The following ST8SIA2 variants were observed in gnomAD, a reference collection of about 807,000 sequenced individuals.
ST8SIA2 encodes ST8 alpha-N-acetyl-neuraminide alpha-2,8-sialyltransferase 2.
ST8SIA2 carries 22 observed loss-of-function variants against 37.6 expected under a neutral mutation model. The observed-to-expected ratio is 0.58, with a 90% CI of 0.42 to 0.83. The LOEUF is 0.83. Ranked by LOEUF, ST8SIA2 falls within the 40% of genes least tolerant of loss-of-function variation. The pLI is 0.00. For synonymous variants in ST8SIA2, 205 were observed against 201.2 expected (o/e 1.02, Z -0.16); for missense variants, 382 against 484.7 (o/e 0.79, Z 1.99).
chr15:92,428,361 C>T (rs577060894), intron 1 of ST8SIA2, among the ~76,000 whole-genome samples: 1 of 152,146 alleles, frequency 6.6e-6, no homozygotes, highest in Admixed American at 6.5e-5. Context: ...TAAGGTGACA[C>T]TCAACTGTTT....
At chr15:92,408,033 A>T (rs1351603600) in intron 1 of ST8SIA2, among the ~76,000 whole-genome samples, 1 of 152,168 alleles carries the variant, frequency 6.6e-6, no homozygotes, top group Non-Finnish European at 1.5e-5. Flanking sequence ...CAGCAAACTC[A>T]TGACTACTCC....
At position 92,429,973 on chromosome 15, in the gene ST8SIA2, G is replaced by A. The variant is rs985019373; in HGVS notation, c.99-76G>A. 1.8e-5 allele frequency: 27 copies of A among 1,508,372 alleles called. No homozygotes were observed. The African/African-American group carries it at 3.3e-4, about 18-fold the overall frequency. The allele number at this position is 1,508,372 out of a possible 1,614,324, so 93.4% of individuals were successfully genotyped here. A position where few individuals can be genotyped will look rare whatever the true frequency, so the allele number is the denominator to read the frequency against. On this transcript the variant is annotated intron_variant, in intron 1 of 5. Coordinates refer to ENST00000268164, the MANE Select transcript of ST8SIA2 (RefSeq NM_006011.4). ...TCTGTAGTTTTCCAGGTGGGCTATG[G>A]GATCTCCTGGCAATTGAAGAGGGCT...
intron 4 of ST8SIA2, among the ~76,000 whole-genome samples, chr15:92,441,888 G>T (rs1287472559): frequency 6.6e-6 from 1 of 152,194 alleles, no homozygotes; most frequent in Non-Finnish European, 1.5e-5. Flanking sequence ...CAGTGGACCA[G>T]GTAGTTGGCC....
At chr15:92,429,187 C>T (rs558708160) in intron 1 of ST8SIA2, among the ~76,000 whole-genome samples, 60 of 152,348 alleles carry the variant, frequency 3.9e-4, no homozygotes, top group South Asian at 1.2e-3. Context: ...CCCAGTACCT[C>T]CCCACACCGC....
chr15:92,410,280 G>A (rs974693184), intron 1 of ST8SIA2, among the ~76,000 whole-genome samples: 1 of 152,200 alleles, frequency 6.6e-6, no homozygotes, highest in Admixed American at 6.5e-5. Flanking sequence ...GCAATAAATA[G>A]GTGTTGGTCT....
At chr15:92,455,848 G>A (rs1441550534) in intron 5 of ST8SIA2, among the ~76,000 whole-genome samples, 3 of 152,194 alleles carry the variant, frequency 2.0e-5, no homozygotes, top group African/African-American at 7.2e-5. Context: ...CTCCCTAGAG[G>A]TAGGTATCGA....
intron 5 of ST8SIA2, among the ~76,000 whole-genome samples, chr15:92,455,497 C>G (rs1050567610): frequency 6.6e-6 from 1 of 152,230 alleles, no homozygotes; most frequent in African/African-American, 2.4e-5. Context: ...AACCTGCTTT[C>G]TGTGTGTGGA....
chr15:92,405,742 T>C (rs886815093), intron 1 of ST8SIA2, among the ~76,000 whole-genome samples: 12 of 152,188 alleles, frequency 7.9e-5, no homozygotes, highest in Non-Finnish European at 1.3e-4. Flanking sequence ...TGTTGTATGT[T>C]TGGATACACA....
chr15:92,464,012 T>C (rs2049974203), intron 5 of ST8SIA2, 88 bp from the exon 6 acceptor site: 1 of 1,496,630 alleles, frequency 6.7e-7, no homozygotes, highest in African/African-American at 1.4e-5. Context: ...GGCAGGCTGC[T>C]GGGCAGGATA....
intron 1 of ST8SIA2, among the ~76,000 whole-genome samples, chr15:92,421,936 C>T (rs527628959): frequency 1.8e-4 from 27 of 152,286 alleles, no homozygotes; most frequent in African/African-American, 6.5e-4. Context: ...ATTCTCATTA[C>T]CAGGCCTAGT....
chr15:92,394,044 C>G lies in ST8SIA2; in HGVS notation c.-21C>G, dbSNP rs1430139708. On this transcript the variant is annotated 5_prime_UTR_variant, in exon 1 of 6. Coordinates refer to ENST00000268164, the MANE Select transcript of ST8SIA2 (RefSeq NM_006011.4). ...GCTCCTCGCGCCGGCCCGCGTGGGT[C>G]CCGGCGGGCGCGAACCCACCATGCA... 5.8e-5 allele frequency: 90 copies of G among 1,542,880 alleles called. No homozygotes were observed. Among genetic ancestry groups the G allele is most frequent in the Non-Finnish European group, 7.8e-5 (89 of 1,143,188 alleles).
At chr15:92,446,212 C>T (rs1171337442) in intron 5 of ST8SIA2, among the ~76,000 whole-genome samples, 1 of 152,160 alleles carries the variant, frequency 6.6e-6, no homozygotes, top group Non-Finnish European at 1.5e-5. Context: ...CCATGCGTCT[C>T]TCTCTCTTTA....
chr15:92,423,951 A>G (rs1168915514), intron 1 of ST8SIA2, among the ~76,000 whole-genome samples: 1 of 152,198 alleles, frequency 6.6e-6, no homozygotes, highest in East Asian at 1.9e-4. Context: ...CATGTGACTG[A>G]CCCCAAGTCA....
chr15:92,416,639 C>A (rs565958341), intron 1 of ST8SIA2, among the ~76,000 whole-genome samples: 1 of 152,116 alleles, frequency 6.6e-6, no homozygotes, highest in African/African-American at 2.4e-5. Flanking sequence ...GAGAACGTGC[C>A]GTTGGACCCG....
intron 2 of ST8SIA2, among the ~76,000 whole-genome samples, chr15:92,433,927 G>A (rs987101693): frequency 2.3e-5 from 3 of 129,026 alleles, no homozygotes; most frequent in African/African-American, 7.7e-5. Flanking sequence ...CTTATCAATA[G>A]CTTGAATAAG....
chr15:92,421,235 C>G (rs1026163287), intron 1 of ST8SIA2: 2 of 152,144 alleles, frequency 1.3e-5, no homozygotes, highest in African/African-American at 4.8e-5. Context: ...TCATGGTTCT[C>G]CCTGCTAGAA....
intron 1 of ST8SIA2, among the ~76,000 whole-genome samples, chr15:92,410,501 G>T (rs570525697): frequency 1.3e-5 from 2 of 152,318 alleles, no homozygotes; most frequent in East Asian, 3.9e-4. Flanking sequence ...GGACCGTTGT[G>T]TCACAGCAGG....
At chr15:92,455,361 C>T (rs2049912716) in intron 5 of ST8SIA2, among the ~76,000 whole-genome samples, 1 of 152,102 alleles carries the variant, frequency 6.6e-6, no homozygotes, top group Admixed American at 6.5e-5. Context: ...TTCTCTCTCT[C>T]TCCAATTTTT....
intron 1 of ST8SIA2, among the ~76,000 whole-genome samples, chr15:92,406,963 C>T (rs2049511919): frequency 6.9e-6 from 1 of 144,982 alleles, no homozygotes; most frequent in African/African-American, 2.6e-5. Context: ...CATTACACTC[C>T]AGCCTGGGCA....
Sources: gnomAD v4.1 joint callset for allele counts (sites outside exome capture counted in the v4.1 genomes callset) on GRCh38, gnomAD v4.1.1 for gene constraint, MANE v1.5 for transcripts, NCBI Gene and HGNC (gene_info 2026-07-23, HGNC 2026-07-21) for gene names.